Variants in SNTG1 observed in about 807,000 individuals in gnomAD.
The protein encoded by SNTG1 is syntrophin gamma 1.
A neutral mutation model predicts 74.7 loss-of-function variants in SNTG1; 39 were observed. The ratio of observed to expected loss-of-function variants is 0.52; its 90% CI spans 0.40 to 0.68. SNTG1 has a LOEUF of 0.68. Among genes scored for constraint, SNTG1 ranks in the 30% least tolerant of loss-of-function variants. SNTG1 has a pLI of 0.00. For synonymous variants in SNTG1, 254 were observed against 217.1 expected (o/e 1.17, Z -1.49); for missense variants, 685 against 609.5 (o/e 1.12, Z -1.30).
chr8:50,712,400 C>T (rs2095464101), intron 17 of SNTG1, among the ~76,000 whole-genome samples: 1 of 152,098 alleles, frequency 6.6e-6, no homozygotes, highest in African/African-American at 2.4e-5. Context: ...GTTTGAGAAT[C>T]GAAAACTAGT....
chr8:50,742,348 A>G (rs569649536), intron 17 of SNTG1, among the ~76,000 whole-genome samples: 2 of 152,138 alleles, frequency 1.3e-5, no homozygotes, highest in South Asian at 4.1e-4. Flanking sequence ...ATGGAATGAA[A>G]CTAAAAATCA....
intron 13 of SNTG1, among the ~76,000 whole-genome samples, chr8:50,651,872 C>G (rs1245807777): frequency 6.6e-6 from 1 of 151,746 alleles, no homozygotes; most frequent in Non-Finnish European, 1.5e-5. Flanking sequence ...CTCCACCTCC[C>G]AGGTTCAAGT....
At chr8:50,199,603 T>C (rs894202842) in intron 2 of SNTG1, among the ~76,000 whole-genome samples, 1 of 152,040 alleles carries the variant, frequency 6.6e-6, no homozygotes, top group Non-Finnish European at 1.5e-5. Context: ...TTCTGAGAAA[T>C]ATGTGGCAGG....
chr8:50,414,737 G>A (rs1023511429), intron 4 of SNTG1, among the ~76,000 whole-genome samples: 46 of 152,094 alleles, frequency 3.0e-4, no homozygotes, highest in African/African-American at 1.1e-3. Flanking sequence ...TTAGTTGTGT[G>A]TGTGTGCATG....
intron 2 of SNTG1, among the ~76,000 whole-genome samples, chr8:50,181,947 T>G (rs1020954256): frequency 6.6e-6 from 1 of 152,166 alleles, no homozygotes; most frequent in African/African-American, 2.4e-5. Context: ...ACAGTTCCCT[T>G]GAAATAAATG....
intron 13 of SNTG1, among the ~76,000 whole-genome samples, chr8:50,630,669 T>C (rs1008460001): frequency 6.6e-6 from 1 of 152,232 alleles, no homozygotes; most frequent in East Asian, 1.9e-4. Flanking sequence ...GTCAGTCACC[T>C]GCACCTAGAC....
intron 9 of SNTG1, among the ~76,000 whole-genome samples, chr8:50,518,906 A>G (rs1248107284): frequency 1.3e-5 from 2 of 152,230 alleles, no homozygotes; most frequent in Admixed American, 1.3e-4. Flanking sequence ...TCCTTCTGAA[A>G]CTATTCCAAA....
At chr8:50,205,431 C>A (rs533026311) in intron 2 of SNTG1, among the ~76,000 whole-genome samples, 1 of 152,052 alleles carries the variant, frequency 6.6e-6, no homozygotes. Context: ...TGATTTTTTT[C>A]TTGTAAATCT....
At chr8:50,395,487 T>A (rs907682016) in intron 3 of SNTG1, among the ~76,000 whole-genome samples, 1 of 148,074 alleles carries the variant, frequency 6.8e-6, no homozygotes, top group Non-Finnish European at 1.5e-5. Flanking sequence ...GTATTTTAAA[T>A]TTTAATTGTC....
rs969996973 is a variant in SNTG1 at position 50,591,015 on chromosome 8, G to T, written c.849+98G>T. 4 of 770,284 alleles carry T rather than the reference G, an allele frequency of 5.2e-6. No homozygotes were observed. The Admixed American group carries it at 1.1e-4, about 21-fold the overall frequency. 47.7% of individuals were successfully genotyped at this position (770,284 alleles called of 1,614,324 possible). A position where few individuals can be genotyped will look rare whatever the true frequency, so the allele number is the denominator to read the frequency against. ...ACCTGATTTCTAGACAGAAATAATTGGTACTGTCATTTACTATCTTCAGTG... is the reference window on the plus strand; with the variant it reads ...ACCTGATTTCTAGACAGAAATAATTTGTACTGTCATTTACTATCTTCAGTG... On this transcript the variant is annotated intron_variant, in intron 13 of 18. Coordinates refer to ENST00000642720, the MANE Select transcript of SNTG1 (RefSeq NM_018967.5).
chr8:50,136,167 T>C (rs1397885357), intron 1 of SNTG1, among the ~76,000 whole-genome samples: 1 of 152,144 alleles, frequency 6.6e-6, no homozygotes, highest in Non-Finnish European at 1.5e-5. Flanking sequence ...CATGGATATT[T>C]AGGTTGATTT....
At chr8:50,730,800 A>G (rs1378230794) in intron 17 of SNTG1, among the ~76,000 whole-genome samples, 3 of 152,146 alleles carry the variant, frequency 2.0e-5, no homozygotes, top group Admixed American at 6.6e-5. Context: ...AAGCATCACC[A>G]TTAGTACTTG....
chr8:50,209,548 C>A (rs532509254), intron 2 of SNTG1, among the ~76,000 whole-genome samples: 1 of 152,276 alleles, frequency 6.6e-6, no homozygotes, highest in South Asian at 2.1e-4. Context: ...CAGGCAGCAA[C>A]ATTTGCCGTT....
At chr8:50,510,029 C>G (rs564260105) in intron 9 of SNTG1, among the ~76,000 whole-genome samples, 1 of 152,284 alleles carries the variant, frequency 6.6e-6, no homozygotes, top group South Asian at 2.1e-4. Context: ...TTTGCTCATT[C>G]AGTAGACTAT....
At chr8:50,536,952 A>C in intron 11 of SNTG1, 144 bp downstream of exon 11, 1 of 1,049,378 alleles carries the variant, frequency 9.5e-7, no homozygotes, top group East Asian at 2.6e-5. Context: ...ATAATCTAAC[A>C]AAGTTAAACA....
intron 8 of SNTG1, among the ~76,000 whole-genome samples, chr8:50,470,258 A>G (rs1008591285): frequency 2.0e-5 from 3 of 152,242 alleles, no homozygotes; most frequent in Non-Finnish European, 4.4e-5. Context: ...CCTAAGAAAT[A>G]AGAGTGAAAT....
At chr8:50,257,699 C>A (rs1340522151) in intron 2 of SNTG1, among the ~76,000 whole-genome samples, 1 of 152,118 alleles carries the variant, frequency 6.6e-6, no homozygotes, top group Non-Finnish European at 1.5e-5. Flanking sequence ...AATAATGGAA[C>A]ACTAGACATA....
At chr8:50,571,330 G>A (rs1234330721) in intron 12 of SNTG1, among the ~76,000 whole-genome samples, 1 of 152,192 alleles carries the variant, frequency 6.6e-6, no homozygotes, top group Non-Finnish European at 1.5e-5. Flanking sequence ...CCGGGCTCAA[G>A]AGAACACAGC....
chr8:49,971,945 G>A (rs1811724478), intron 1 of SNTG1, among the ~76,000 whole-genome samples: 1 of 152,166 alleles, frequency 6.6e-6, no homozygotes. Flanking sequence ...TCTGCCCAGG[G>A]TAATTTATAG....
Sources: gnomAD v4.1 joint callset for allele counts (sites outside exome capture counted in the v4.1 genomes callset) on GRCh38, gnomAD v4.1.1 for gene constraint, MANE v1.5 for transcripts, NCBI Gene and HGNC (gene_info 2026-07-23, HGNC 2026-07-21) for gene names.